PCDHA1: variants seen among roughly 807,000 people sequenced by gnomAD.
PCDHA1 encodes the protein protocadherin alpha 1.
In PCDHA1, 42 loss-of-function variants were observed where a neutral mutation model predicts 61.3. The observed-to-expected ratio is 0.69, with a 90% CI of 0.54 to 0.89. The LOEUF (loss-of-function observed/expected upper bound fraction) is 0.89. Among genes scored for constraint, PCDHA1 ranks in the 40% least tolerant of loss-of-function variants. The pLI is 0.00. For missense variants in PCDHA1, 1,256 were observed against 1,235.3 expected (o/e 1.02, Z -0.25); for synonymous variants, 610 against 553.8 (o/e 1.10, Z -1.43).
intron 1 of PCDHA1, among the ~76,000 whole-genome samples, chr5:140,909,316 G>C (rs2074435468): frequency 6.6e-6 from 1 of 152,198 alleles, no homozygotes; most frequent in Non-Finnish European, 1.5e-5. Flanking sequence ...AAAGGCATTT[G>C]CCAAATCAAT....
intron 1 of PCDHA1, among the ~76,000 whole-genome samples, chr5:140,792,431 C>T (rs1184748819): frequency 6.6e-6 from 1 of 152,036 alleles, no homozygotes; most frequent in Admixed American, 6.5e-5. Context: ...GTATCTTTGA[C>T]CCAAAACAGG....
chr5:141,005,000 G>A (rs2098192261), intron 3 of PCDHA1, among the ~76,000 whole-genome samples: 1 of 152,176 alleles, frequency 6.6e-6, no homozygotes, highest in Non-Finnish European at 1.5e-5. Context: ...GGTCTCCTAA[G>A]CCCTGAGAGC....
intron 1 of PCDHA1, among the ~76,000 whole-genome samples, chr5:140,885,040 T>C (rs2060438917): frequency 6.6e-6 from 1 of 152,226 alleles, no homozygotes; most frequent in African/African-American, 2.4e-5. Context: ...AATTTTTAGT[T>C]TAATGTATAC....
At chr5:140,858,356 T>G (rs782216764) in intron 1 of PCDHA1, 1 of 1,593,100 alleles carries the variant, frequency 6.3e-7, no homozygotes, top group Non-Finnish European at 8.6e-7. Context: ...CCTCATGGCC[T>G]TCAGCCCCAG....
chr5:140,893,929 T>C (rs2064240374), intron 1 of PCDHA1, among the ~76,000 whole-genome samples: 1 of 152,214 alleles, frequency 6.6e-6, no homozygotes, highest in South Asian at 2.1e-4. Flanking sequence ...TCAGAATCTC[T>C]ACCTGTTAAT....
chr5:140,890,990 A>T (rs782516672), intron 1 of PCDHA1, among the ~76,000 whole-genome samples: 1 of 152,142 alleles, frequency 6.6e-6, no homozygotes, highest in African/African-American at 2.4e-5. Flanking sequence ...TCTTTATTTC[A>T]TCATAATTAT....
At chr5:140,801,905 C>T in intron 1 of PCDHA1, 2 of 1,614,138 alleles carry the variant, frequency 1.2e-6, no homozygotes, top group Non-Finnish European at 1.7e-6. Context: ...TAGATGTAAA[C>T]GACAACGCCC....
intron 1 of PCDHA1, chr5:140,837,289 A>G (rs1775001022): frequency 6.6e-6 from 1 of 152,010 alleles, no homozygotes; most frequent in Non-Finnish European, 1.5e-5. Flanking sequence ...TTTTTAACTT[A>G]CTTTGTTGAG....
At chr5:140,886,852 G>T (rs1554182787) in intron 1 of PCDHA1, among the ~76,000 whole-genome samples, 1 of 146,470 alleles carries the variant, frequency 6.8e-6, no homozygotes, top group Non-Finnish European at 1.5e-5. Flanking sequence ...AAAAAAGAAA[G>T]GTCTTCCCAA....
At chr5:140,808,983 C>T in intron 1 of PCDHA1, 2 of 1,613,648 alleles carry the variant, frequency 1.2e-6, no homozygotes, top group East Asian at 2.2e-5. Flanking sequence ...GCGGTGGATG[C>T]TGACTCGGGC....
At position 140,973,042 on chromosome 5, in the gene PCDHA1, T is replaced by C. The variant is rs78535788; in HGVS notation, c.2395-5907T>C. Among the ~76,000 whole-genome samples the C allele has an allele frequency of 5.1e-3, 779 of 152,252 alleles. 6 individuals carry two copies. Among genetic ancestry groups the C allele is most frequent in the African/African-American group, 0.018 (740 of 41,542 alleles). ...TGTTAATGAGTCACTTTGAGTACTCTAGTAGATTTGTCCAACAGTGTCTCA... is the reference window on the plus strand; with the variant it reads ...TGTTAATGAGTCACTTTGAGTACTCCAGTAGATTTGTCCAACAGTGTCTCA... On this transcript the variant is annotated intron_variant, in intron 1 of 3. Transcript: ENST00000504120.
intron 1 of PCDHA1, chr5:140,875,810 C>A: frequency 6.2e-7 from 1 of 1,614,106 alleles, no homozygotes; most frequent in Non-Finnish European, 8.5e-7. Flanking sequence ...GTGGACAGGC[C>A]GCTGCAGGTT....
chr5:140,871,292 C>A (rs2052919411), intron 1 of PCDHA1: 2 of 1,613,772 alleles, frequency 1.2e-6, no homozygotes, highest in Non-Finnish European at 8.5e-7. Flanking sequence ...ACTGAGGGCG[C>A]GTGCGCGCCG....
rs782531082 is a variant in PCDHA1 at position 140,877,160 on chromosome 5, C to T, written c.2394+88476C>T. The T allele has an allele frequency of 4.0e-5, 64 of 1,613,696 alleles. 1 individual carries two copies. In the Admixed American group the frequency reaches 1.0e-3, roughly 26 times the overall value. The stretch of plus-strand genomic sequence containing the variant: ...GTGCTGGACGAGAACGACAACGCGC[C>T]GGCACTGCTGGCGACTCCGGCTGGC... On this transcript the variant is annotated intron_variant, in intron 1 of 3. Transcript: ENST00000504120.
chr5:140,830,474 C>T (rs1771087062), intron 1 of PCDHA1: 1 of 1,550,922 alleles, frequency 6.4e-7, no homozygotes, highest in Non-Finnish European at 8.7e-7. Context: ...AAATGAAGAT[C>T]ATGATGCCAA....
At chr5:140,802,740 G>A (rs1554122326) in intron 1 of PCDHA1, 4 of 1,612,598 alleles carry the variant, frequency 2.5e-6, no homozygotes, top group South Asian at 1.1e-5. Flanking sequence ...CGCGGAGAGC[G>A]GCAAGGTGTA....
chr5:140,855,044 T>C lies in PCDHA1; in HGVS notation c.2394+66360T>C, dbSNP rs1055824292. ...TCTTGTATAAAGGATTTTTCTGTAA[T>C]AGTACTTTTCTGTTTTCTTAAATAC... On this transcript the variant is annotated intron_variant, in intron 1 of 3. Coordinates refer to ENST00000504120, the MANE Select transcript of PCDHA1 (RefSeq NM_018900.4). 4.0e-5 allele frequency among the ~76,000 whole-genome samples: 6 copies of C among 149,952 alleles called. 2 individuals carry two copies. The highest frequency in any genetic ancestry group is 8.9e-5 in the Non-Finnish European group (6 of 67,110).
In PCDHA1 at chr5:140,788,282, T is replaced by C; in HGVS notation, c.1992T>C (p.Thr664=). 6.2e-7 allele frequency: 1 copy of C among 1,613,994 alleles called. No individual in the cohort carries two copies. ...HGEPALTATA[T]VLVSLVESGQ... is the part of the protein sequence containing the mutation. ...AGCCGGCGCTGACAGCCACGGCCAC[T>C]GTGCTTGTATCTCTGGTGGAGAGCG... Residue 664 remains threonine (T), a synonymous_variant, in exon 1 of 4, where the codon ACT becomes ACC. Transcript: ENST00000504120.
chr5:140,929,307 C>A, intron 1 of PCDHA1: 1 of 1,570,164 alleles, frequency 6.4e-7, no homozygotes, highest in Non-Finnish European at 8.7e-7. Flanking sequence ...AAGGGGATCA[C>A]GCTAATGTCA....
Sources: allele counts gnomAD v4.1 joint callset (sites outside exome capture counted in the v4.1 genomes callset), GRCh38; gene constraint gnomAD v4.1.1; transcripts MANE v1.5; gene names NCBI Gene and HGNC (gene_info 2026-07-23, HGNC 2026-07-21).